The following TCTN2 variants were observed in gnomAD, a reference collection of about 807,000 sequenced individuals.
TCTN2 encodes tectonic family member 2, also known as tectonic-2.
A neutral mutation model predicts 83.4 loss-of-function variants in TCTN2; 66 were observed. The ratio of observed to expected loss-of-function variants is 0.79; its 90% CI spans 0.65 to 0.97. The LOEUF is 0.97. Among genes scored for constraint, TCTN2 ranks in the 50% least tolerant of loss-of-function variants. The probability of loss-of-function intolerance (pLI) is 0.00; values close to 1 mark genes in which losing one functional copy is unlikely to be tolerated. For missense variants in TCTN2, 794 were observed against 858.1 expected (o/e 0.93, Z 0.93); for synonymous variants, 301 against 326.7 (o/e 0.92, Z 0.85).
intron 4 of TCTN2, among the ~76,000 whole-genome samples, chr12:123,678,904 TCTC>T (rs1234292755): frequency 1.3e-5 from 2 of 151,890 alleles, no homozygotes; most frequent in African/African-American, 4.8e-5. Flanking sequence ...TTCACACCAT[TCTC>T]CTGTCTCAGC....
intron 15 of TCTN2, 130 bp from the exon 16 acceptor site, chr12:123,706,596 C>G (rs566106801): frequency 2.2e-6 from 3 of 1,364,368 alleles, no homozygotes; most frequent in East Asian, 4.7e-5. Context: ...TGAGAAAAAA[C>G]AGCCCAGGTA....
At chr12:123,705,076 A>G (rs1956213945) in intron 15 of TCTN2, among the ~76,000 whole-genome samples, 1 of 151,886 alleles carries the variant, frequency 6.6e-6, no homozygotes, top group Non-Finnish European at 1.5e-5. Flanking sequence ...GCTGTGTGAC[A>G]CTGGCCAATT....
At chr12:123,684,701 A>G (rs1955942517) in intron 5 of TCTN2, among the ~76,000 whole-genome samples, 1 of 152,028 alleles carries the variant, frequency 6.6e-6, no homozygotes, top group African/African-American at 2.4e-5. Flanking sequence ...CACCTGGCCA[A>G]TATTGTGATT....
At chr12:123,701,823 G>A (rs1956176792) in intron 14 of TCTN2, among the ~76,000 whole-genome samples, 1 of 152,100 alleles carries the variant, frequency 6.6e-6, no homozygotes, top group South Asian at 2.1e-4. Context: ...ACAGCTCAGT[G>A]CCTCTGGCCA....
At chr12:123,684,185 C>T (rs986974866) in intron 5 of TCTN2, among the ~76,000 whole-genome samples, 1 of 152,000 alleles carries the variant, frequency 6.6e-6, no homozygotes, top group African/African-American at 2.4e-5. Context: ...AAGTACACAC[C>T]CATGAGCTCA....
At chr12:123,695,012 GA>G (rs1375750895) in intron 10 of TCTN2, 36 bp downstream of exon 10, 1 of 1,609,568 alleles carries the variant, frequency 6.2e-7, no homozygotes. Flanking sequence ...TGCTTTCACT[GA>G]AAAGTATTTT....
chr12:123,676,860 T>C (rs1351611309), intron 4 of TCTN2, among the ~76,000 whole-genome samples: 1 of 152,016 alleles, frequency 6.6e-6, no homozygotes, highest in African/African-American at 2.4e-5. Context: ...GTATAACACA[T>C]AGTAAAACCC....
chr12:123,688,041 T>A lies in TCTN2; in HGVS notation c.765-10T>A. 6.2e-7 allele frequency: 1 copy of A among 1,613,796 alleles called. No homozygotes were observed. Among genetic ancestry groups the A allele is most frequent in the Non-Finnish European group, 8.5e-7 (1 of 1,179,814 alleles). ...ACTGAAACTATTCAGCCTTTCTTAT[T>A]GATTTTCAGTTCCCCCAAACAGGAC... On this transcript the variant is annotated splice_polypyrimidine_tract_variant and intron_variant, in intron 6 of 17. Transcript: ENST00000303372.
At chr12:123,671,705 C>T (rs1337708730) in intron 2 of TCTN2, 91 bp downstream of exon 2, 10 of 1,155,462 alleles carry the variant, frequency 8.7e-6, no homozygotes, top group Non-Finnish European at 1.3e-5. Context: ...TTGGGGCCCC[C>T]TGCCTCTGTT....
At position 123,695,244 on chromosome 12, in the gene TCTN2, T is replaced by G. The variant is rs753798596; in HGVS notation, c.1259T>G (p.Val420Gly). ...QKGIMTQRFVVKFLSYNSGNE... is the reference protein window; with the variant it reads ...QKGIMTQRFVGKFLSYNSGNE... ...GGGATAATGACACAGAGATTTGTAG[T>G]AAAATTTTTAAGCTATAATAGTGGT... The change falls in exon 11 of 18, where the codon GTA becomes GGA. Residue 420 changes from valine to glycine, a missense_variant. Transcript: ENST00000303372. The G allele has an allele frequency of 6.3e-7, 1 of 1,581,230 alleles. No individual in the cohort carries two copies. Among genetic ancestry groups the G allele is most frequent in the Non-Finnish European group, 8.7e-7 (1 of 1,150,362 alleles).
chr12:123,687,074 C>G, intron 6 of TCTN2, 39 bp downstream of exon 6: 1 of 1,612,006 alleles, frequency 6.2e-7, no homozygotes, highest in Non-Finnish European at 8.5e-7. Context: ...GGGCATTGTT[C>G]TCCCGCCCTG....
intron 4 of TCTN2, among the ~76,000 whole-genome samples, chr12:123,675,717 T>C (rs988444825): frequency 4.6e-5 from 7 of 152,168 alleles, no homozygotes; most frequent in Non-Finnish European, 7.3e-5. Context: ...TCTGGAAGGA[T>C]GTTGGAGAAG....
intron 3 of TCTN2, among the ~76,000 whole-genome samples, chr12:123,672,921 GTGCC>G (rs1955774355): frequency 6.6e-6 from 1 of 152,092 alleles, no homozygotes; most frequent in Non-Finnish European, 1.5e-5. Flanking sequence ...GTGATGGCGG[GTGCC>G]TGTAATCTCA....
At position 123,696,510 on chromosome 12, in the gene TCTN2, T is replaced by C. The variant is rs541103051; in HGVS notation, c.1393+15T>C. 3.7e-6 allele frequency: 6 copies of C among 1,607,590 alleles called. No individual in the cohort carries two copies. In the South Asian group the frequency reaches 5.5e-5, roughly 15 times the overall value. On this transcript the variant is annotated intron_variant, in intron 12 of 17. Coordinates refer to ENST00000303372, the MANE Select transcript of TCTN2 (RefSeq NM_024809.5). The stretch of plus-strand genomic sequence containing the variant: ...TTGGCAATCGGGTAATCCGGTTTGG[T>C]CATTATGATTAGCCCTTTGGCAAAT...
At chr12:123,705,460 C>T (rs956633412) in intron 15 of TCTN2, among the ~76,000 whole-genome samples, 1 of 152,176 alleles carries the variant, frequency 6.6e-6, no homozygotes, top group African/African-American at 2.4e-5. Context: ...CGCGCCCAGC[C>T]TGCCTCCATC....
chr12:123,706,964 A>G (rs747693109), intron 16 of TCTN2, 21 bp from the exon 17 acceptor site: 1 of 1,613,572 alleles, frequency 6.2e-7, no homozygotes, highest in Non-Finnish European at 8.5e-7. Context: ...AGTTTTTGTA[A>G]CCCTCTAAAA....
intron 13 of TCTN2, among the ~76,000 whole-genome samples, chr12:123,699,009 C>CTAGA (rs1369652535): frequency 6.6e-6 from 1 of 152,110 alleles, no homozygotes; most frequent in East Asian, 1.9e-4. Context: ...AAAATTCCAG[C>CTAGA]TAGATATATA....
At position 123,671,605 on chromosome 12, in the gene TCTN2, G is replaced by A. The variant is rs769340746; in HGVS notation, c.181G>A (p.Asp61Asn). 10 of 1,612,482 alleles carry A rather than the reference G, an allele frequency of 6.2e-6. No homozygotes were observed. The highest frequency in any genetic ancestry group is 8.5e-6 in the Non-Finnish European group (10 of 1,179,972). Residue 61 changes from aspartate (D) to asparagine (N), a missense_variant, in exon 2 of 18, where the codon GAC becomes AAC. By Grantham distance (23) the Asp-to-Asn change is conservative. Transcript: ENST00000303372. ...GACCGTGTCCCTGGCAGTGCTGCAG[G>A]ACGAGGCGGGTAAAGTCCGGCCCTC... ...GVTVSLAVLQ[D>N]EAGILPIPTC...
intron 13 of TCTN2, among the ~76,000 whole-genome samples, chr12:123,698,281 A>G (rs1956133601): frequency 6.6e-6 from 1 of 150,674 alleles, no homozygotes; most frequent in Non-Finnish European, 1.5e-5. Context: ...ACCTCAGGTG[A>G]TCTGCCCTCC....
Sources: gnomAD v4.1 joint callset for allele counts (sites outside exome capture counted in the v4.1 genomes callset) on GRCh38, gnomAD v4.1.1 for gene constraint, MANE v1.5 for transcripts, NCBI Gene and HGNC (gene_info 2026-07-23, HGNC 2026-07-21) for gene names.